Variants in PKD1L3 observed in about 807,000 individuals in gnomAD.
The protein encoded by PKD1L3 is polycystin 1 like 3, transient receptor potential channel interacting.
Under a neutral mutation model 184.1 loss-of-function variants are expected in PKD1L3, and 239 were observed. The ratio of observed to expected loss-of-function variants is 1.30; its 90% CI spans 1.17 to 1.45. The LOEUF (loss-of-function observed/expected upper bound fraction) is 1.45. Ranked by LOEUF, PKD1L3 falls within the 40% of genes most tolerant of loss-of-function variation. The pLI is 0.00. For synonymous variants in PKD1L3, 996 were observed against 778.8 expected, an observed-to-expected ratio of 1.28 and a Z score of -4.64; for missense variants, 2,660 against 2,067.2, an observed-to-expected ratio of 1.29 and a Z score of -5.56.
intron 16 of PKD1L3, among the ~76,000 whole-genome samples, chr16:71,956,232 C>A (rs1023469104): frequency 8.7e-6 from 1 of 115,252 alleles, no homozygotes. Context: ...TCACTCTTGT[C>A]ACCTAGGATG....
At chr16:71,947,042 G>C (rs1169196970) in intron 22 of PKD1L3, among the ~76,000 whole-genome samples, 1 of 151,860 alleles carries the variant, frequency 6.6e-6, no homozygotes, top group Admixed American at 6.6e-5. Flanking sequence ...GATCACCTGA[G>C]GTCAGGAGTT....
At chr16:71,956,030 G>T (rs943460473) in intron 16 of PKD1L3, among the ~76,000 whole-genome samples, 3 of 151,942 alleles carry the variant, frequency 2.0e-5, no homozygotes, top group African/African-American at 7.3e-5. Context: ...GCTAAATTTT[G>T]TATTTTTTGT....
intron 28 of PKD1L3, chr16:71,930,739 C>T (rs998712717): frequency 1.3e-5 from 2 of 151,840 alleles, no homozygotes; most frequent in African/African-American, 4.8e-5. Flanking sequence ...ATATCAAGTT[C>T]TGGGCTTATT....
At chr16:71,968,213 CCT>C (rs1382972829) in intron 13 of PKD1L3, among the ~76,000 whole-genome samples, 1 of 152,106 alleles carries the variant, frequency 6.6e-6, no homozygotes, top group East Asian at 1.9e-4. Context: ...AGGGCCTGTG[CCT>C]CTCAAGTGAA....
chr16:71,939,434 G>A (rs766846007), intron 24 of PKD1L3, among the ~76,000 whole-genome samples: 3 of 152,168 alleles, frequency 2.0e-5, no homozygotes, highest in Non-Finnish European at 4.4e-5. Flanking sequence ...GTTTCTGGCT[G>A]GCAAAGCAAC....
At chr16:71,982,691 G>A (rs576595435) in intron 6 of PKD1L3, among the ~76,000 whole-genome samples, 1 of 152,156 alleles carries the variant, frequency 6.6e-6, no homozygotes, top group South Asian at 2.1e-4. Context: ...CGAACTTCTG[G>A]ACTCAAGCAA....
rs796279368 is a variant in PKD1L3 at position 71,945,872 on chromosome 16, GTGA to G, written c.3718+1617_3718+1619del. 3.3e-5 allele frequency among the ~76,000 whole-genome samples: 5 copies of G among 152,206 alleles called. No individual in the cohort carries two copies. The South Asian group carries it at 8.3e-4, about 25-fold the overall frequency. ...ATCAGAGCTCTCCAGATGAACAAGG[GTGA>G]TGATAAGGGGAAAAAAGTCTCTTTT... On this transcript the variant is annotated intron_variant, in intron 22 of 29. Coordinates refer to ENST00000620267, the MANE Select transcript of PKD1L3 (RefSeq NM_181536.2).
At chr16:71,974,767 G>T (rs1300506959) in intron 11 of PKD1L3, among the ~76,000 whole-genome samples, 1 of 152,218 alleles carries the variant, frequency 6.6e-6, no homozygotes, top group East Asian at 1.9e-4. Flanking sequence ...GTAGTGGGCA[G>T]CCTGGTAGTG....
rs1382240910 is a variant in PKD1L3 at position 71,982,254 on chromosome 16, A to T, written c.967-19T>A. The T allele has an allele frequency of 1.4e-6, 2 of 1,470,720 alleles. No individual in the cohort carries two copies. Among genetic ancestry groups the T allele is most frequent in the Non-Finnish European group, 1.8e-6 (2 of 1,105,438 alleles). The allele number at this position is 1,470,720 out of a possible 1,614,324, so 91.1% of individuals were successfully genotyped here. On this transcript the variant is annotated intron_variant, in intron 6 of 29. Transcript: ENST00000620267. ...GATTAACCTGGGAGGATTAGAAAGC[A>T]AACATACACCCTTGAATTGTTTGCT... is the stretch of plus-strand genomic sequence containing the variant.
rs1450356140 is a variant in PKD1L3, at chr16:71,986,308, T to C, written c.747A>G (p.Ala249=). ...CTTCCTTTGGGCTTGAAGTTGTTTC[T>C]GCCAGAGATTGCCCAGCATGCGTGA... ...VSVTHAGQSL[A]ETTSSPKEEG... Residue 249 remains alanine, a synonymous_variant, in exon 5 of 30, where the codon GCA becomes GCG. Coordinates refer to ENST00000620267, the MANE Select transcript of PKD1L3 (RefSeq NM_181536.2). The C allele has an allele frequency of 1.3e-6, 2 of 1,552,160 alleles. No individual in the cohort carries two copies. The highest frequency in any genetic ancestry group is 1.7e-6 in the Non-Finnish European group (2 of 1,147,110).
intron 24 of PKD1L3, among the ~76,000 whole-genome samples, chr16:71,940,499 AT>A (rs150640830): frequency 2.7e-5 from 4 of 149,676 alleles, no homozygotes; most frequent in African/African-American, 7.4e-5. Flanking sequence ...TTTGTTTTTT[AT>A]TTTTTTTTTA....
chr16:71,997,954 A>C (rs1318434719), intron 2 of PKD1L3, among the ~76,000 whole-genome samples: 1 of 152,080 alleles, frequency 6.6e-6, no homozygotes, highest in Non-Finnish European at 1.5e-5. Flanking sequence ...CTTCCCTCTG[A>C]AGCCCAAATG....
intron 21 of PKD1L3, among the ~76,000 whole-genome samples, chr16:71,949,333 AAATGTCAGTTT>A (rs763901699): frequency 6.7e-6 from 1 of 148,528 alleles, no homozygotes; most frequent in Non-Finnish European, 1.5e-5. Context: ...AATGTCAGTT[AAATGTCAGTTT>A]GCTTTTTTTT....
At position 71,949,872 on chromosome 16, in the gene PKD1L3, A is replaced by G; in HGVS notation, c.3529T>C (p.Leu1177=). 6.4e-7 allele frequency: 1 copy of G among 1,551,586 alleles called. No homozygotes were observed. Among genetic ancestry groups the G allele is most frequent in the South Asian group, 1.2e-5 (1 of 84,058 alleles). ...ASAFFTALYS[L]ELSKDQATSW... ...GTGGCTTGGTCTTTGCTCAATTCCA[A>G]GCTATAAAGTGCTGTAAAAAAGGCT... Residue 1177 remains leucine, a synonymous_variant, in exon 21 of 30, where the codon TTG becomes CTG. Coordinates refer to ENST00000620267, the MANE Select transcript of PKD1L3 (RefSeq NM_181536.2).
chr16:72,000,021 C>A lies in PKD1L3; in HGVS notation c.-43G>T. The A allele has an allele frequency of 1.4e-6, 2 of 1,393,844 alleles. No individual in the cohort carries two copies. The highest frequency in any genetic ancestry group is 9.6e-7 in the Non-Finnish European group (1 of 1,045,834). The allele number at this position is 1,393,844 out of a possible 1,614,324, so 86.3% of individuals were successfully genotyped here. A position where few individuals can be genotyped will look rare whatever the true frequency, so the allele number is the denominator to read the frequency against. On this transcript the variant is annotated 5_prime_UTR_variant, in exon 1 of 30. Coordinates refer to ENST00000620267, the MANE Select transcript of PKD1L3 (RefSeq NM_181536.2). Reference sequence around the variant, plus strand: ...AAGAAAAAGTGTGGGGGTTTAGCAGCTGCCTGGTCCTTTAAATATATATAT... The same window carrying A: ...AAGAAAAAGTGTGGGGGTTTAGCAGATGCCTGGTCCTTTAAATATATATAT...
At position 71,977,404 on chromosome 16, in the gene PKD1L3, G is replaced by C; in HGVS notation, c.1591C>G (p.Gln531Glu). The C allele has an allele frequency of 6.4e-7, 1 of 1,551,558 alleles. No individual in the cohort carries two copies. The highest frequency in any genetic ancestry group is 8.7e-7 in the Non-Finnish European group (1 of 1,146,902). ...HPTSLNMSTH[Q>E]LTITVNVTSL... is the part of the protein sequence containing the mutation. ...GTGACGTTCACTGTGATTGTAAGCT[G>C]ATGTGTGCTCATGTTGAGGCTGGTG... The change falls in exon 11 of 30, where the codon CAG becomes GAG. Residue 531 changes from glutamine (Q) to glutamate (E), a missense_variant. Transcript: ENST00000620267.
intron 6 of PKD1L3, 83 bp downstream of exon 6, chr16:71,983,953 G>A (rs1460222544): frequency 1.2e-4 from 176 of 1,500,136 alleles, no homozygotes; most frequent in Non-Finnish European, 1.5e-4. Context: ...GTGAGCCACC[G>A]CACCCAGCCT....
intron 4 of PKD1L3, among the ~76,000 whole-genome samples, chr16:71,989,015 G>A (rs1597373157): frequency 6.6e-6 from 1 of 152,144 alleles, no homozygotes; most frequent in Admixed American, 6.5e-5. Context: ...TCAGAGTGCT[G>A]TTTTTGCACC....
At chr16:71,997,465 T>C (rs942821982) in intron 2 of PKD1L3, among the ~76,000 whole-genome samples, 1 of 148,502 alleles carries the variant, frequency 6.7e-6, no homozygotes, top group Non-Finnish European at 1.5e-5. Context: ...AAAAAATAAA[T>C]AGGCTGGGCG....
Sources: allele counts gnomAD v4.1 joint callset (sites outside exome capture counted in the v4.1 genomes callset), GRCh38; gene constraint gnomAD v4.1.1; transcripts MANE v1.5; gene names NCBI Gene and HGNC (gene_info 2026-07-23, HGNC 2026-07-21).